Variants in RBFOX2 observed in about 807,000 individuals in gnomAD.
RBFOX2 encodes RNA binding protein fox-1 homolog 2.
RBFOX2 carries 10 observed loss-of-function variants against 49.1 expected under a neutral mutation model. The ratio of observed to expected loss-of-function variants is 0.20; its 90% CI spans 0.13 to 0.35. The LOEUF is 0.35. RBFOX2 is among the 10% of genes least tolerant of loss of function. The probability of loss-of-function intolerance (pLI) is 1.00; values close to 1 mark genes in which losing one functional copy is unlikely to be tolerated. For missense variants in RBFOX2, 323 were observed against 486.9 expected, an observed-to-expected ratio of 0.66 and a Z score of 3.17; for synonymous variants, 183 against 187.4, an observed-to-expected ratio of 0.98 and a Z score of 0.19.
At chr22:35,810,225 TCAC>T (rs1951610107) in intron 1 of RBFOX2, among the ~76,000 whole-genome samples, 2 of 105,696 alleles carry the variant, frequency 1.9e-5, no homozygotes, top group Non-Finnish European at 4.1e-5. Flanking sequence ...ACACACACAC[TCAC>T]TTTTGTTAAT....
chr22:35,870,664 C>T (rs1223613362), intron 1 of RBFOX2, among the ~76,000 whole-genome samples: 2 of 152,088 alleles, frequency 1.3e-5, no homozygotes, highest in Admixed American at 6.6e-5. Flanking sequence ...AAAAGCAGGT[C>T]TCAATTTCCT....
chr22:35,804,828 T>A (rs943335097), intron 2 of RBFOX2, among the ~76,000 whole-genome samples: 1 of 151,638 alleles, frequency 6.6e-6, no homozygotes, highest in Non-Finnish European at 1.5e-5. Context: ...TGAAGATCAC[T>A]AAAAATAGTC....
At chr22:35,899,639 ATCAAAG>A (rs547831196) in intron 1 of RBFOX2, among the ~76,000 whole-genome samples, 139 of 152,224 alleles carry the variant, frequency 9.1e-4, no homozygotes, top group Non-Finnish European at 1.5e-3. Context: ...ATTTCCAATT[ATCAAAG>A]TCAAATAAGG....
At chr22:35,744,150 T>C (rs1258512462) in exon 12 of RBFOX2, 11 of 1,489,250 alleles carry the variant, frequency 7.4e-6, no homozygotes, top group Non-Finnish European at 1.0e-5. Flanking sequence ...AATATTGCAA[T>C]AGCCAGGCCT....
intron 5 of RBFOX2, among the ~76,000 whole-genome samples, chr22:35,767,540 G>T (rs1478361452): frequency 6.6e-6 from 1 of 152,122 alleles, no homozygotes; most frequent in Non-Finnish European, 1.5e-5. Flanking sequence ...TTGGGAAAGG[G>T]GAAAGGAGCC....
At chr22:35,828,772 T>G (rs901653996) in intron 1 of RBFOX2, among the ~76,000 whole-genome samples, 3 of 151,838 alleles carry the variant, frequency 2.0e-5, no homozygotes, top group Non-Finnish European at 4.4e-5. Context: ...AGACCTGAGG[T>G]CGGGCGTGGT....
intron 2 of RBFOX2, among the ~76,000 whole-genome samples, chr22:35,801,222 T>C (rs1027619776): frequency 6.6e-6 from 1 of 152,168 alleles, no homozygotes; most frequent in African/African-American, 2.4e-5. Context: ...AATCTGTAAA[T>C]AACAACGCTT....
intron 1 of RBFOX2, among the ~76,000 whole-genome samples, chr22:35,890,113 G>A (rs1435970121): frequency 6.6e-6 from 1 of 152,120 alleles, no homozygotes; most frequent in Non-Finnish European, 1.5e-5. Flanking sequence ...ATTTTTCTAA[G>A]ATTATTCCAT....
chr22:35,939,830 T>G (rs375434396), upstream of RBFOX2, among the ~76,000 whole-genome samples: 34 of 151,630 alleles, frequency 2.2e-4, no homozygotes, highest in South Asian at 5.4e-3. Context: ...CAAGCACTGT[T>G]AGTCGACTGA....
chr22:35,851,042 G>T (rs889563337), intron 1 of RBFOX2, among the ~76,000 whole-genome samples: 1 of 152,148 alleles, frequency 6.6e-6, no homozygotes, highest in African/African-American at 2.4e-5. Flanking sequence ...AACTGTGAGG[G>T]CATCTGTGAG....
exon 5 of RBFOX2, chr22:35,768,298 C>T: frequency 6.2e-7 from 1 of 1,614,186 alleles, no homozygotes; most frequent in Non-Finnish European, 8.5e-7. Flanking sequence ...TGTAATTTCT[C>T]CCTGGCCCTG....
At chr22:35,773,346 A>G (rs1032635145) in intron 4 of RBFOX2, among the ~76,000 whole-genome samples, 1 of 152,086 alleles carries the variant, frequency 6.6e-6, no homozygotes, top group South Asian at 2.1e-4. Context: ...CTTAAGCCCA[A>G]CCTAAACCTA....
chr22:35,858,831 A>AG (rs1312104175), intron 1 of RBFOX2, among the ~76,000 whole-genome samples: 94 of 151,668 alleles, frequency 6.2e-4, no homozygotes, highest in Middle Eastern at 6.8e-3. Context: ...TGTCTCAAAA[A>AG]AAAAAAAAAA....
intron 3 of RBFOX2, among the ~76,000 whole-genome samples, chr22:35,778,628 T>C (rs1264764833): frequency 6.6e-6 from 1 of 151,916 alleles, no homozygotes; most frequent in East Asian, 1.9e-4. Flanking sequence ...ATCAGATGCA[T>C]TCTATAATTT....
rs17803324 is a variant in RBFOX2 at position 35,868,712 on chromosome 22, A to G, written c.-33-58708T>C. On this transcript the variant is annotated intron_variant, in intron 1 of 13. Coordinates refer to the RBFOX2 transcript ENST00000359369. Reference sequence around the variant, plus strand: ...TTCACAAGGCCCATGATCTCCTGAAAACTGTGTTGCAAAATGTTGTAAATA... The same window carrying G: ...TTCACAAGGCCCATGATCTCCTGAAGACTGTGTTGCAAAATGTTGTAAATA... Among the ~76,000 whole-genome samples, 65 of 152,328 alleles carry G rather than the reference A, an allele frequency of 4.3e-4. 1 individual carries two copies. Among genetic ancestry groups the G allele is most frequent in the South Asian group, 2.7e-3 (13 of 4,814 alleles).
intron 1 of RBFOX2, among the ~76,000 whole-genome samples, chr22:35,992,046 A>G (rs1177498850): frequency 1.3e-5 from 2 of 152,198 alleles, no homozygotes; most frequent in Non-Finnish European, 2.9e-5. Flanking sequence ...GAAATTGAGA[A>G]ACTTGCCTAA....
At chr22:35,825,697 T>C (rs796683216) in intron 1 of RBFOX2, among the ~76,000 whole-genome samples, 1 of 152,084 alleles carries the variant, frequency 6.6e-6, no homozygotes, top group African/African-American at 2.4e-5. Context: ...TTAACTAAGA[T>C]AGGCCGGGTG....
chr22:36,017,568 G>A (rs966730572), intron 1 of RBFOX2, among the ~76,000 whole-genome samples: 19 of 152,166 alleles, frequency 1.2e-4, no homozygotes, highest in African/African-American at 3.9e-4. Context: ...TATAGTATCC[G>A]ATGAAATTCA....
At position 35,867,078 on chromosome 22, in the gene RBFOX2, G is replaced by GCA. The variant is rs139224464; in HGVS notation, c.-33-57076_-33-57075dup. ...GAAGGGATTTTATATGCACACACAT[G>GCA]CACACACACACACACTTAAAACGTA... On this transcript the variant is annotated intron_variant, in intron 1 of 13. Coordinates refer to the RBFOX2 transcript ENST00000359369. 3.0e-4 allele frequency among the ~76,000 whole-genome samples: 45 copies of GCA among 151,302 alleles called. 1 individual carries two copies. The South Asian group carries it at 3.5e-3, about 12-fold the overall frequency.
Sources: gnomAD v4.1 joint callset for allele counts (sites outside exome capture counted in the v4.1 genomes callset) on GRCh38, gnomAD v4.1.1 for gene constraint, MANE v1.5 for transcripts, NCBI Gene and HGNC (gene_info 2026-07-23, HGNC 2026-07-21) for gene names.